LMAN2L: variants seen among roughly 807,000 people sequenced by gnomAD.
LMAN2L encodes VIP36-like protein.
A neutral mutation model predicts 44.3 loss-of-function variants in LMAN2L; 30 were observed. The observed-to-expected ratio is 0.68, with a 90% CI of 0.51 to 0.92. LMAN2L has a LOEUF of 0.92. Among genes scored for constraint, LMAN2L ranks in the 40% least tolerant of loss-of-function variants. LMAN2L has a pLI of 0.00. For missense variants in LMAN2L, 429 were observed against 446.1 expected (o/e 0.96, Z 0.35); for synonymous variants, 183 against 171.1 (o/e 1.07, Z -0.54).
intron 2 of LMAN2L, chr2:96,734,764 C>T (rs888920999): frequency 4.0e-6 from 2 of 501,400 alleles, no homozygotes; most frequent in East Asian, 6.9e-5. Context: ...TTCAACATTT[C>T]CCAACAGAAA....
intron 4 of LMAN2L, among the ~76,000 whole-genome samples, chr2:96,732,442 G>A (rs2078421049): frequency 6.6e-6 from 1 of 151,612 alleles, no homozygotes. Flanking sequence ...TCAGGGGTTC[G>A]AGACCATCCT....
rs1233404721 is a variant in LMAN2L at position 96,725,364 on chromosome 2, G to A, written c.507+8155C>T. On this transcript the variant is annotated intron_variant, in intron 4 of 7. Transcript: ENST00000264963. ...ATTCTCCCACTTCAGCCTCCCACAA[G>A]TGCTGGGATTATAGGTGTGAGCCAC... Among the ~76,000 whole-genome samples, 7 of 151,728 alleles carry A rather than the reference G, an allele frequency of 4.6e-5. No individual in the cohort carries two copies. In the East Asian group the frequency reaches 1.3e-3, roughly 29 times the overall value.
At chr2:96,713,201 T>A in intron 4 of LMAN2L, 1 of 1,405,434 alleles carries the variant, frequency 7.1e-7, no homozygotes, top group Non-Finnish European at 9.8e-7. Context: ...GGAGACCAAG[T>A]CAGAAAGACA....
intron 7 of LMAN2L, 69 bp from the exon 8 acceptor site, chr2:96,707,467 G>C: frequency 1.3e-6 from 2 of 1,504,018 alleles, no homozygotes; most frequent in African/African-American, 1.4e-5. Flanking sequence ...TCAAACTATA[G>C]GCTGTCCGGC....
Position 96,738,164 on chromosome 2 carries a change from T to C in LMAN2L, c.188-97A>G, listed in dbSNP as rs560901737. ...TCTGAAAGCTGAGCCATCATCTTTTTCCCCCTTTAATGTCACTCAATCTCC... is the reference window on the plus strand; with the variant it reads ...TCTGAAAGCTGAGCCATCATCTTTTCCCCCCTTTAATGTCACTCAATCTCC... On this transcript the variant is annotated intron_variant, in intron 1 of 7. Transcript: ENST00000264963. 7.7e-6 allele frequency: 6 copies of C among 780,304 alleles called. No homozygotes were observed. In the South Asian group the frequency reaches 7.8e-5, roughly 10 times the overall value. 48.3% of individuals were successfully genotyped at this position (780,304 alleles called of 1,614,324 possible). A position where few individuals can be genotyped will look rare whatever the true frequency, so the allele number is the denominator to read the frequency against.
At chr2:96,736,766 C>A (rs1013965144) in intron 2 of LMAN2L, among the ~76,000 whole-genome samples, 3 of 152,198 alleles carry the variant, frequency 2.0e-5, no homozygotes, top group African/African-American at 7.2e-5. Flanking sequence ...CTAGGGCTCA[C>A]AGGAGGACTG....
chr2:96,721,618 A>G (rs544642149), intron 4 of LMAN2L, among the ~76,000 whole-genome samples: 1 of 152,002 alleles, frequency 6.6e-6, no homozygotes, highest in Non-Finnish European at 1.5e-5. Context: ...CTCCTGCCTC[A>G]GCCTGCAAAG....
At chr2:96,726,957 G>A (rs75763821) in intron 4 of LMAN2L, among the ~76,000 whole-genome samples, 11,415 of 151,898 alleles carry the variant, frequency 0.075, 487 homozygotes, top group Middle Eastern at 0.16. Context: ...GGTGGTGCAC[G>A]TCTGTAATCT....
chr2:96,725,307 C>T (rs1203852060), intron 4 of LMAN2L, among the ~76,000 whole-genome samples: 9 of 151,646 alleles, frequency 5.9e-5, no homozygotes, highest in Admixed American at 5.3e-4. Flanking sequence ...GCTGTGGTGC[C>T]CAGGCTCATT....
rs562520206 is a variant in LMAN2L, at chr2:96,706,061, T to C, written c.*1195A>G. 1 of 152,600 alleles carries C rather than the reference T, an allele frequency of 6.6e-6. No homozygotes were observed. 9.5% of individuals were successfully genotyped at this position (152,600 alleles called of 1,614,324 possible). On this transcript the variant is annotated 3_prime_UTR_variant, in exon 8 of 8. Coordinates refer to ENST00000264963, the MANE Select transcript of LMAN2L (RefSeq NM_030805.4). ...TCCCAGGGCAGTAAGGTGAGCAGCA[T>C]GTAACCCCTTGTCAAATAAGGCAGT...
chr2:96,707,628 G>C, intron 7 of LMAN2L, 86 bp downstream of exon 7: 1 of 1,511,956 alleles, frequency 6.6e-7, no homozygotes, highest in Non-Finnish European at 9.0e-7. Context: ...AGAACACAGA[G>C]CAGAGACCGC....
At chr2:96,724,387 G>A (rs2078223927) in intron 4 of LMAN2L, among the ~76,000 whole-genome samples, 1 of 152,202 alleles carries the variant, frequency 6.6e-6, no homozygotes, top group Non-Finnish European at 1.5e-5. Context: ...GAGAGGTAGG[G>A]ACTGCATAGA....
chr2:96,736,072 G>C (rs1377118187), intron 2 of LMAN2L, among the ~76,000 whole-genome samples: 1 of 152,154 alleles, frequency 6.6e-6, no homozygotes, highest in African/African-American at 2.4e-5. Context: ...CTGCCAGGAG[G>C]TAGGTATTAT....
chr2:96,737,806 G>A (rs1270712849), intron 2 of LMAN2L, 143 bp downstream of exon 2: 1 of 627,460 alleles, frequency 1.6e-6, no homozygotes, highest in Non-Finnish European at 2.9e-6. Flanking sequence ...ATCAAGGTCA[G>A]AATAATCTCA....
At chr2:96,727,352 C>T (rs2153330917) in intron 4 of LMAN2L, among the ~76,000 whole-genome samples, 1 of 152,198 alleles carries the variant, frequency 6.6e-6, no homozygotes, top group Non-Finnish European at 1.5e-5. Flanking sequence ...AGTTGAGGGG[C>T]CGGGTGCGGT....
chr2:96,723,390 CT>C (rs2078199762), intron 4 of LMAN2L, among the ~76,000 whole-genome samples: 1 of 152,144 alleles, frequency 6.6e-6, no homozygotes, highest in South Asian at 2.1e-4. Flanking sequence ...ATTTGGTTGT[CT>C]TACTATTGAG....
At chr2:96,725,448 T>C (rs1481570780) in intron 4 of LMAN2L, among the ~76,000 whole-genome samples, 1 of 150,402 alleles carries the variant, frequency 6.6e-6, no homozygotes, top group African/African-American at 2.4e-5. Context: ...AATTTTCTTT[T>C]TTTTTTTTTT....
intron 3 of LMAN2L, 108 bp from the exon 4 acceptor site, chr2:96,733,709 CCT>C (rs1415043678): frequency 5.8e-6 from 5 of 857,778 alleles, no homozygotes; most frequent in Non-Finnish European, 9.4e-6. Context: ...GACTCCCAAG[CCT>C]CTCTCAAGAT....
intron 4 of LMAN2L, among the ~76,000 whole-genome samples, 186 bp from the exon 5 acceptor site, chr2:96,712,211 G>A (rs2153321967): frequency 6.6e-6 from 1 of 152,304 alleles, no homozygotes; most frequent in Non-Finnish European, 1.5e-5. Context: ...AATGGGCCCA[G>A]GAAGCGACTA....
Sources: allele counts gnomAD v4.1 joint callset (sites outside exome capture counted in the v4.1 genomes callset), GRCh38; gene constraint gnomAD v4.1.1; transcripts MANE v1.5; gene names NCBI Gene and HGNC (gene_info 2026-07-23, HGNC 2026-07-21).